SYT9: variants seen among roughly 807,000 people sequenced by gnomAD.
The protein encoded by SYT9 is synaptotagmin 9, also known as synaptotagmin-9.
A neutral mutation model predicts 48.4 loss-of-function variants in SYT9; 22 were observed. The observed-to-expected ratio is 0.45, with a 90% CI of 0.32 to 0.65. SYT9 has a LOEUF of 0.65. Ranked by LOEUF, SYT9 falls within the 30% of genes least tolerant of loss-of-function variation. The pLI is 0.03. For missense variants in SYT9, 577 were observed against 622.0 expected, an observed-to-expected ratio of 0.93 and a Z score of 0.77; for synonymous variants, 265 against 245.0, an observed-to-expected ratio of 1.08 and a Z score of -0.76.
chr11:7,422,011 T>G (rs1267805956), intron 6 of SYT9, among the ~76,000 whole-genome samples: 1 of 152,136 alleles, frequency 6.6e-6, no homozygotes, highest in Non-Finnish European at 1.5e-5. Context: ...CAGCAGTTAT[T>G]TACTGAGGAT....
intron 3 of SYT9, among the ~76,000 whole-genome samples, chr11:7,359,998 G>A (rs1338467269): frequency 6.6e-6 from 1 of 151,708 alleles, no homozygotes; most frequent in Non-Finnish European, 1.5e-5. Flanking sequence ...TAACATGTAA[G>A]TCTTTAATCC....
At chr11:7,248,706 T>C (rs1847823767), upstream of SYT9, among the ~76,000 whole-genome samples, 1 of 152,150 alleles carries the variant, frequency 6.6e-6, no homozygotes, top group South Asian at 2.1e-4. Context: ...TGGAAACATG[T>C]CCCATGCTCA....
intron 3 of SYT9, among the ~76,000 whole-genome samples, chr11:7,348,810 C>A (rs1315921986): frequency 6.8e-6 from 1 of 146,270 alleles, no homozygotes; most frequent in African/African-American, 2.5e-5. Context: ...GATTTCATAT[C>A]CAGTCATGGG....
intron 1 of SYT9, among the ~76,000 whole-genome samples, chr11:7,257,692 G>A (rs1469121836): frequency 6.6e-6 from 1 of 152,108 alleles, no homozygotes; most frequent in East Asian, 1.9e-4. Context: ...TTAAATTAAT[G>A]TTAATTGCAA....
chr11:7,397,721 A>G (rs1846784554), intron 3 of SYT9, among the ~76,000 whole-genome samples: 1 of 152,162 alleles, frequency 6.6e-6, no homozygotes, highest in African/African-American at 2.4e-5. Flanking sequence ...TTCAGCATAT[A>G]GGTCTTGCAC....
intron 1 of SYT9, among the ~76,000 whole-genome samples, chr11:7,290,545 G>C (rs10839759): frequency 0.26 from 38,906 of 152,012 alleles, 5,938 homozygotes; most frequent in South Asian, 0.39. Context: ...TAATCTTAAT[G>C]CCTATTGTAT....
chr11:7,452,148 CTG>C (rs1564909065), intron 6 of SYT9, among the ~76,000 whole-genome samples: 20 of 150,360 alleles, frequency 1.3e-4, no homozygotes, highest in South Asian at 2.1e-4. Flanking sequence ...CACACACACA[CTG>C]AGGAAAAACA....
intron 1 of SYT9, among the ~76,000 whole-genome samples, chr11:7,242,951 C>T (rs925333968): frequency 6.6e-5 from 10 of 151,996 alleles, no homozygotes; most frequent in South Asian, 2.1e-4. Context: ...CAGGCTGAGG[C>T]GGGAGAATTG....
chr11:7,330,733 G>A (rs1452078136), intron 3 of SYT9, among the ~76,000 whole-genome samples: 1 of 152,110 alleles, frequency 6.6e-6, no homozygotes, highest in East Asian at 1.9e-4. Context: ...TTTCCCTCTT[G>A]TTCCCCAGGC....
intron 1 of SYT9, among the ~76,000 whole-genome samples, chr11:7,240,938 A>G (rs902471531): frequency 6.6e-6 from 1 of 152,092 alleles, no homozygotes; most frequent in Non-Finnish European, 1.5e-5. Context: ...AACCAACAAG[A>G]CCCTTTAAGA....
In SYT9 at chr11:7,305,943, CAG is replaced by C. The variant is rs1325275293; in HGVS notation, c.497+2554_497+2555del. Among the ~76,000 whole-genome samples, 14 of 152,238 alleles carry C rather than the reference CAG, an allele frequency of 9.2e-5. No individual in the cohort carries two copies. The South Asian group carries it at 2.7e-3, about 29-fold the overall frequency. On this transcript the variant is annotated intron_variant, in intron 2 of 6. Transcript: ENST00000318881. The stretch of plus-strand genomic sequence containing the variant: ...TGTTCTTGGATATGTTTGGCTGACA[CAG>C]TGCCTTTTTGAAATGTCCTAAAGAT...
intron 1 of SYT9, among the ~76,000 whole-genome samples, chr11:7,283,464 G>T (rs1312645841): frequency 6.6e-6 from 1 of 151,734 alleles, no homozygotes; most frequent in African/African-American, 2.4e-5. Flanking sequence ...CTGCATTATG[G>T]GTATTTTTTT....
At chr11:7,464,370 A>C (rs1848291823) in intron 6 of SYT9, among the ~76,000 whole-genome samples, 1 of 152,208 alleles carries the variant, frequency 6.6e-6, no homozygotes, top group Non-Finnish European at 1.5e-5. Flanking sequence ...AATACATCAG[A>C]AATGTAGACT....
intron 6 of SYT9, among the ~76,000 whole-genome samples, chr11:7,464,095 C>T (rs1848284322): frequency 6.6e-6 from 1 of 152,138 alleles, no homozygotes; most frequent in South Asian, 2.1e-4. Flanking sequence ...AAACCCAAAG[C>T]ATTCTGAAGG....
At chr11:7,432,945 G>C (rs1399085309) in intron 6 of SYT9, among the ~76,000 whole-genome samples, 3 of 151,812 alleles carry the variant, frequency 2.0e-5, no homozygotes, top group African/African-American at 7.3e-5. Flanking sequence ...GGAGGGGCTG[G>C]GGTGGAATTA....
At chr11:7,248,303 TC>T (rs1268288863), upstream of SYT9, among the ~76,000 whole-genome samples, 1 of 152,040 alleles carries the variant, frequency 6.6e-6, no homozygotes, top group East Asian at 1.9e-4. Flanking sequence ...GTTTTTTTTT[TC>T]CTGTGCAAAA....
At chr11:7,367,308 C>T (rs1031624643) in intron 3 of SYT9, among the ~76,000 whole-genome samples, 32 of 150,890 alleles carry the variant, frequency 2.1e-4, no homozygotes, top group Admixed American at 1.5e-3. Context: ...GTCTCGATCT[C>T]CTGACCTCGT....
intron 1 of SYT9, among the ~76,000 whole-genome samples, chr11:7,283,615 A>G (rs1848543108): frequency 6.6e-6 from 1 of 151,994 alleles, no homozygotes; most frequent in South Asian, 2.1e-4. Context: ...AAGCGGAGGC[A>G]GTTTTTGGTT....
chr11:7,357,694 G>A (rs923005608), intron 3 of SYT9, among the ~76,000 whole-genome samples: 6 of 152,004 alleles, frequency 3.9e-5, no homozygotes, highest in Non-Finnish European at 1.5e-5. Flanking sequence ...TCAACTCCCA[G>A]CACAAATTTC....
Sources: gnomAD v4.1 joint callset for allele counts (sites outside exome capture counted in the v4.1 genomes callset) on GRCh38, gnomAD v4.1.1 for gene constraint, MANE v1.5 for transcripts, NCBI Gene and HGNC (gene_info 2026-07-23, HGNC 2026-07-21) for gene names.